CDH7: variants seen among roughly 807,000 people sequenced by gnomAD.
The protein encoded by CDH7 is cadherin 7.
In CDH7, 25 loss-of-function variants were observed where a neutral mutation model predicts 71.8. The observed-to-expected ratio is 0.35, with a 90% CI of 0.25 to 0.49. The LOEUF (loss-of-function observed/expected upper bound fraction) is 0.49. Among genes scored for constraint, CDH7 ranks in the 20% least tolerant of loss-of-function variants. The probability of loss-of-function intolerance (pLI) is 0.99; values close to 1 mark genes in which losing one functional copy is unlikely to be tolerated. For missense variants in CDH7, 862 were observed against 974.6 expected, an observed-to-expected ratio of 0.88 and a Z score of 1.54; for synonymous variants, 381 against 363.8, an observed-to-expected ratio of 1.05 and a Z score of -0.54.
intron 9 of CDH7, among the ~76,000 whole-genome samples, chr18:65,859,297 A>G (rs370320169): frequency 6.6e-5 from 10 of 152,324 alleles, no homozygotes; most frequent in African/African-American, 2.4e-4. Flanking sequence ...CTAAGAACTT[A>G]GACTCCTTTC....
chr18:65,886,172 G>A lies in CDH7; in HGVS notation c.*5278G>A, dbSNP rs189174772. 1 of 152,202 alleles carries A rather than the reference G, an allele frequency of 6.6e-6. No homozygotes were observed. The highest frequency in any genetic ancestry group is 1.5e-5 in the Non-Finnish European group (1 of 68,000). 9.4% of individuals were successfully genotyped at this position (152,202 alleles called of 1,614,324 possible). A position where few individuals can be genotyped will look rare whatever the true frequency, so the allele number is the denominator to read the frequency against. ...GAGTTAATTACTATTGTGTTTCAGAGGCTTGTGAATGATTAAGTGAAAGAC... is the reference window on the plus strand; with the variant it reads ...GAGTTAATTACTATTGTGTTTCAGAAGCTTGTGAATGATTAAGTGAAAGAC... On this transcript the variant is annotated 3_prime_UTR_variant, in exon 12 of 12. Coordinates refer to ENST00000397968, the MANE Select transcript of CDH7 (RefSeq NM_004361.5).
At chr18:65,855,856 A>C (rs1197798861) in intron 7 of CDH7, among the ~76,000 whole-genome samples, 2 of 152,192 alleles carry the variant, frequency 1.3e-5, no homozygotes, top group Admixed American at 1.3e-4. Flanking sequence ...TAACTCAATC[A>C]AGCAATATAG....
rs1364329425 is a variant in CDH7 at position 65,862,824 on chromosome 18, G to A, written c.1771G>A (p.Ala591Thr). ...RVCDCDADGVAQTCNAEAYVL... is the reference protein window; with the variant it reads ...RVCDCDADGVTQTCNAEAYVL... ...GTGTGACTGTGATGCTGACGGCGTA[G>A]CCCAGACCTGCAATGCAGAGGCCTA... Residue 591 changes from alanine to threonine, a missense_variant, in exon 11 of 12, where the codon GCC (alanine) becomes ACC (threonine). Coordinates refer to ENST00000397968, the MANE Select transcript of CDH7 (RefSeq NM_004361.5). The A allele has an allele frequency of 1.5e-5, 25 of 1,614,150 alleles. No individual in the cohort carries two copies. Among genetic ancestry groups the A allele is most frequent in the Non-Finnish European group, 2.1e-5 (25 of 1,180,012 alleles).
intron 2 of CDH7, among the ~76,000 whole-genome samples, chr18:65,767,179 C>T (rs1473959580): frequency 2.7e-5 from 4 of 149,666 alleles, no homozygotes; most frequent in African/African-American, 9.9e-5. Context: ...ATCAAATACA[C>T]AGAAATGCAG....
chr18:65,873,499 T>G (rs1158762353), intron 11 of CDH7, among the ~76,000 whole-genome samples: 1 of 152,212 alleles, frequency 6.6e-6, no homozygotes, highest in African/African-American at 2.4e-5. Flanking sequence ...TATACAAAAC[T>G]ATTATCATTT....
intron 2 of CDH7, among the ~76,000 whole-genome samples, chr18:65,789,453 T>C (rs1047443011): frequency 6.8e-6 from 1 of 148,066 alleles, no homozygotes; most frequent in Non-Finnish European, 1.5e-5. Flanking sequence ...GAAAGTTTAA[T>C]ACATGTGCTA....
intron 6 of CDH7, among the ~76,000 whole-genome samples, chr18:65,836,840 ATCTC>A (rs1912548559): frequency 6.6e-6 from 1 of 152,266 alleles, no homozygotes; most frequent in East Asian, 1.9e-4. Flanking sequence ...AAATCAGTAA[ATCTC>A]TATTTTATTC....
chr18:65,803,452 A>G (rs948598552), intron 2 of CDH7: 5 of 152,186 alleles, frequency 3.3e-5, no homozygotes, highest in Admixed American at 3.3e-4. Context: ...TTTGTAAAAC[A>G]ATTAATATCT....
chr18:65,888,304 CTG>C lies in CDH7; in HGVS notation c.*7414_*7415del. The C allele has an allele frequency of 6.6e-6, 1 of 152,104 alleles. No homozygotes were observed. Among genetic ancestry groups the C allele is most frequent in the East Asian group, 1.9e-4 (1 of 5,190 alleles). 9.4% of individuals were successfully genotyped at this position (152,104 alleles called of 1,614,324 possible). A position where few individuals can be genotyped will look rare whatever the true frequency, so the allele number is the denominator to read the frequency against. ...GAGAATGTGAGACCTCAGTATATTG[CTG>C]TGTTTTATTGTGTGTTTTGCTGTAT... On this transcript the variant is annotated 3_prime_UTR_variant, in exon 12 of 12. Transcript: ENST00000397968.
intron 1 of CDH7, among the ~76,000 whole-genome samples, chr18:65,760,206 T>C (rs964850625): frequency 1.3e-5 from 2 of 152,210 alleles, no homozygotes; most frequent in Non-Finnish European, 2.9e-5. Context: ...TCTCATGATT[T>C]GCTCATTTAA....
At position 65,843,792 on chromosome 18, in the gene CDH7, C is replaced by A; in HGVS notation, c.982-20C>A. On this transcript the variant is annotated intron_variant, in intron 6 of 11. Transcript: ENST00000397968. Reference sequence around the variant, plus strand: ...ACTGTTTAACCGGTAATTTAATTTTCCTAACGACTTTCTTTACAGGAGCTG... The same window carrying A: ...ACTGTTTAACCGGTAATTTAATTTTACTAACGACTTTCTTTACAGGAGCTG... The A allele has an allele frequency of 6.8e-7, 1 of 1,474,566 alleles. No individual in the cohort carries two copies. The allele number at this position is 1,474,566 out of a possible 1,614,324, so 91.3% of individuals were successfully genotyped here. A position where few individuals can be genotyped will look rare whatever the true frequency, so the allele number is the denominator to read the frequency against.
At chr18:65,865,353 G>A (rs1913720895) in intron 11 of CDH7, 1 of 152,092 alleles carries the variant, frequency 6.6e-6, no homozygotes, top group African/African-American at 2.4e-5. Context: ...TGGGGGATTT[G>A]TCAAAATTTA....
At chr18:65,873,820 T>C (rs907948625) in intron 11 of CDH7, among the ~76,000 whole-genome samples, 16 of 152,204 alleles carry the variant, frequency 1.1e-4, no homozygotes, top group African/African-American at 3.6e-4. Context: ...TGTTGGACTT[T>C]CTCTGAGAAT....
At chr18:65,859,494 A>G (rs1171085154) in intron 9 of CDH7, among the ~76,000 whole-genome samples, 1 of 152,234 alleles carries the variant, frequency 6.6e-6, no homozygotes, top group East Asian at 1.9e-4. Flanking sequence ...TGAAGTTCAC[A>G]AAAGTGAATT....
intron 6 of CDH7, among the ~76,000 whole-genome samples, chr18:65,843,515 A>C (rs1371070043): frequency 6.6e-6 from 1 of 152,154 alleles, no homozygotes; most frequent in Non-Finnish European, 1.5e-5. Flanking sequence ...CTGTTGGAAA[A>C]AAAATAAATT....
At chr18:65,785,907 A>G (rs1412656896) in intron 2 of CDH7, among the ~76,000 whole-genome samples, 3 of 152,218 alleles carry the variant, frequency 2.0e-5, no homozygotes, top group Non-Finnish European at 4.4e-5. Flanking sequence ...GAATATGTTA[A>G]CCAGCATATT....
intron 7 of CDH7, among the ~76,000 whole-genome samples, chr18:65,847,810 A>G (rs560074612): frequency 5.8e-4 from 88 of 152,220 alleles, no homozygotes; most frequent in African/African-American, 2.0e-3. Flanking sequence ...ACTTTACCCA[A>G]CATCCAGATA....
chr18:65,861,946 A>G (rs1913578931), intron 10 of CDH7, among the ~76,000 whole-genome samples: 1 of 152,144 alleles, frequency 6.6e-6, no homozygotes, highest in Non-Finnish European at 1.5e-5. Flanking sequence ...CTGCTAACAC[A>G]CACAAAACAT....
intron 4 of CDH7, among the ~76,000 whole-genome samples, chr18:65,821,132 C>CAA (rs796526274): frequency 1.0e-4 from 3 of 28,990 alleles, no homozygotes; most frequent in African/African-American, 1.6e-4. Flanking sequence ...AACAAACAAA[C>CAA]AAAAAAAAAA....
Sources: allele counts gnomAD v4.1 joint callset (sites outside exome capture counted in the v4.1 genomes callset), GRCh38; gene constraint gnomAD v4.1.1; transcripts MANE v1.5; gene names NCBI Gene and HGNC (gene_info 2026-07-23, HGNC 2026-07-21).